GNAL: variants seen among roughly 807,000 people sequenced by gnomAD.
The protein encoded by GNAL is G protein subunit alpha L, also known as guanine nucleotide-binding protein G(olf) subunit alpha.
A neutral mutation model predicts 55.1 loss-of-function variants in GNAL; 18 were observed. The ratio of observed to expected loss-of-function variants is 0.33; its 90% CI spans 0.23 to 0.48. The LOEUF (loss-of-function observed/expected upper bound fraction) is 0.48, where lower values mean the gene tolerates loss of function less well. Among genes scored for constraint, GNAL ranks in the 20% least tolerant of loss-of-function variants. The pLI is 0.99. For synonymous variants in GNAL, 253 were observed against 237.0 expected (o/e 1.07, Z -0.62); for missense variants, 412 against 614.1 (o/e 0.67, Z 3.48).
chr18:11,723,401 C>G (rs1346328167), intron 1 of GNAL, among the ~76,000 whole-genome samples: 3 of 152,226 alleles, frequency 2.0e-5, no homozygotes, highest in African/African-American at 7.2e-5. Context: ...CAAAAACAGG[C>G]AGCAAGACAG....
chr18:11,846,244 G>C (rs2035732081), intron 5 of GNAL, among the ~76,000 whole-genome samples: 1 of 152,020 alleles, frequency 6.6e-6, no homozygotes, highest in Non-Finnish European at 1.5e-5. Context: ...GACTAACATG[G>C]AAGTTAGGTT....
chr18:11,879,156 T>A lies in GNAL; in HGVS notation c.1231-1833T>A, dbSNP rs186344695. On this transcript the variant is annotated intron_variant, in intron 11 of 11. Coordinates refer to ENST00000334049, the MANE Select transcript of GNAL (RefSeq NM_182978.4). ...TATATATAACCTACTCATTTTAGTGTCCATAAGTTTTTTTTTTAATGCTCA... is the reference window on the plus strand; with the variant it reads ...TATATATAACCTACTCATTTTAGTGACCATAAGTTTTTTTTTTAATGCTCA... Among the ~76,000 whole-genome samples, 14 of 150,726 alleles carry A rather than the reference T, an allele frequency of 9.3e-5. No individual in the cohort carries two copies. In the Admixed American group the frequency reaches 9.3e-4, roughly 10 times the overall value.
At chr18:11,813,734 C>T (rs1383635692) in intron 4 of GNAL, among the ~76,000 whole-genome samples, 1 of 152,108 alleles carries the variant, frequency 6.6e-6, no homozygotes, top group African/African-American at 2.4e-5. Context: ...AGAGAGATGT[C>T]AAGCGCAGTG....
At position 11,752,385 on chromosome 18, in the gene GNAL, C is replaced by T. The variant is rs753028263; in HGVS notation, c.377-468C>T. The T allele has an allele frequency of 3.2e-6, 5 of 1,574,978 alleles. No homozygotes were observed. The East Asian group carries it at 7.3e-5, about 23-fold the overall frequency. On this transcript the variant is annotated intron_variant, in intron 1 of 11. Coordinates refer to ENST00000334049, the MANE Select transcript of GNAL (RefSeq NM_182978.4). The surrounding 1 kb of genome is among the most constrained non-coding windows in gnomAD (Gnocchi z 4.5). Reference sequence around the variant, plus strand: ...CGCACACGTCTCCAACTCTCTATTGCTTTTTGCGCACATTCCTAACTTCCT... The same window carrying T: ...CGCACACGTCTCCAACTCTCTATTGTTTTTTGCGCACATTCCTAACTTCCT...
intron 11 of GNAL, among the ~76,000 whole-genome samples, chr18:11,879,980 C>T (rs908327597): frequency 1.3e-5 from 2 of 152,210 alleles, no homozygotes; most frequent in Admixed American, 6.5e-5. Context: ...ACTAGCTGGC[C>T]GGGCGCGGTG....
At chr18:11,872,485 A>C in intron 10 of GNAL, 87 bp downstream of exon 10, 1 of 823,738 alleles carries the variant, frequency 1.2e-6, no homozygotes, top group Non-Finnish European at 1.9e-6. Flanking sequence ...ACCTCTGATG[A>C]ATCAAAGAAA....
At chr18:11,842,671 T>C (rs1279214517) in intron 5 of GNAL, among the ~76,000 whole-genome samples, 1 of 152,078 alleles carries the variant, frequency 6.6e-6, no homozygotes, top group Non-Finnish European at 1.5e-5. Flanking sequence ...CCATCGCTGA[T>C]ATGACAGGAG....
chr18:11,691,362 C>T (rs896375458), intron 1 of GNAL, among the ~76,000 whole-genome samples: 4 of 151,302 alleles, frequency 2.6e-5, no homozygotes, highest in African/African-American at 9.8e-5. Flanking sequence ...GGATATTAGC[C>T]CTTTGTCAGA....
chr18:11,729,232 C>T (rs1385583678), intron 1 of GNAL, among the ~76,000 whole-genome samples: 3 of 151,932 alleles, frequency 2.0e-5, no homozygotes, highest in African/African-American at 2.4e-5. Context: ...CATTTTTTTC[C>T]TGAGCGGTTA....
chr18:11,847,712 C>G (rs1476051504), intron 5 of GNAL, among the ~76,000 whole-genome samples: 1 of 152,016 alleles, frequency 6.6e-6, no homozygotes, highest in East Asian at 1.9e-4. Flanking sequence ...CTAAACAATT[C>G]CAGTCATTAT....
At chr18:11,874,651 G>GA (rs566156147) in intron 10 of GNAL, among the ~76,000 whole-genome samples, 50 of 129,690 alleles carry the variant, frequency 3.9e-4, no homozygotes, top group Non-Finnish European at 4.3e-4. Flanking sequence ...TTAGTCTCAA[G>GA]AAAAAAAAAA....
At chr18:11,877,423 C>A (rs2036558391) in intron 11 of GNAL, among the ~76,000 whole-genome samples, 1 of 152,356 alleles carries the variant, frequency 6.6e-6, no homozygotes, top group South Asian at 2.1e-4. Flanking sequence ...CCACTGCACT[C>A]CAGCCTGGCC....
intron 4 of GNAL, among the ~76,000 whole-genome samples, chr18:11,820,972 T>C (rs2035075631): frequency 6.6e-6 from 1 of 152,256 alleles, no homozygotes; most frequent in South Asian, 2.1e-4. Flanking sequence ...TCTGTAATTC[T>C]CTCAGGCTTC....
intron 10 of GNAL, among the ~76,000 whole-genome samples, chr18:11,872,954 G>A (rs1382446805): frequency 6.6e-6 from 1 of 152,182 alleles, no homozygotes; most frequent in Non-Finnish European, 1.5e-5. Flanking sequence ...TGCAGCCTTG[G>A]GGATTTCCAG....
intron 5 of GNAL, among the ~76,000 whole-genome samples, chr18:11,861,645 C>A (rs932798573): frequency 1.3e-5 from 2 of 152,150 alleles, no homozygotes; most frequent in Non-Finnish European, 2.9e-5. Context: ...TGTGCAGGGG[C>A]CGTGGTCACT....
intron 4 of GNAL, among the ~76,000 whole-genome samples, chr18:11,785,799 G>A (rs1364738887): frequency 6.6e-6 from 1 of 152,168 alleles, no homozygotes; most frequent in Non-Finnish European, 1.5e-5. Context: ...CCTCGGCCAT[G>A]AATGGGTTAA....
chr18:11,820,107 T>C (rs1209372247), intron 4 of GNAL, among the ~76,000 whole-genome samples: 4 of 152,214 alleles, frequency 2.6e-5, no homozygotes, highest in Admixed American at 6.5e-5. Flanking sequence ...GGTTTGCTTA[T>C]GCAGACTCAT....
chr18:11,751,529 C>T lies in GNAL; in HGVS notation c.377-1324C>T, dbSNP rs943350133. 47 of 985,408 alleles carry T rather than the reference C, an allele frequency of 4.8e-5. No homozygotes were observed. The highest frequency in any genetic ancestry group is 2.5e-4 in the Admixed American group (4 of 16,270). 61.0% of individuals were successfully genotyped at this position (985,408 alleles called of 1,614,324 possible). A position where few individuals can be genotyped will look rare whatever the true frequency, so the allele number is the denominator to read the frequency against. On this transcript the variant is annotated intron_variant, in intron 1 of 11. Coordinates refer to ENST00000334049, the MANE Select transcript of GNAL (RefSeq NM_182978.4). The surrounding 1 kb of genome is among the most constrained non-coding windows in gnomAD (Gnocchi z 4.5). ...GACTGGTGAGCCTCGGAGGGATCCTCCTCCCTGCTAGAATATGCATGATCC... is the reference window on the plus strand; with the variant it reads ...GACTGGTGAGCCTCGGAGGGATCCTTCTCCCTGCTAGAATATGCATGATCC...
intron 4 of GNAL, among the ~76,000 whole-genome samples, chr18:11,771,040 C>T (rs150395192): frequency 0.037 from 5,590 of 151,832 alleles, 128 homozygotes; most frequent in Middle Eastern, 0.054. Context: ...CATGATCAAA[C>T]CCTGTCTCTA....
Sources: gnomAD v4.1 joint callset for allele counts (sites outside exome capture counted in the v4.1 genomes callset) on GRCh38, gnomAD v4.1.1 for gene constraint, Gnocchi (gnomAD v3.1) non-coding constraint, MANE v1.5 for transcripts, NCBI Gene and HGNC (gene_info 2026-07-23, HGNC 2026-07-21) for gene names.